Variants in SH3KBP1 observed in about 807,000 individuals in gnomAD.
The protein encoded by SH3KBP1 is SH3 domain containing kinase binding protein 1.
A neutral mutation model predicts 50.1 loss-of-function variants in SH3KBP1; 8 were observed. That is an observed-to-expected ratio of 0.16 (90% CI 0.09 to 0.29). The LOEUF is 0.29. SH3KBP1 is among the 10% of genes least tolerant of loss of function. SH3KBP1 has a pLI of 1.00. For missense variants in SH3KBP1, 377 were observed against 535.2 expected, an observed-to-expected ratio of 0.70 and a Z score of 2.92; for synonymous variants, 227 against 218.6, an observed-to-expected ratio of 1.04 and a Z score of -0.34.
chrX:19,553,998 T>TTAAAATATAATATATAATATATAA (rs2065345378), intron 13 of SH3KBP1, among the ~76,000 whole-genome samples: 1 of 61,298 alleles, frequency 1.6e-5, no homozygotes, highest in Non-Finnish European at 2.6e-5. Flanking sequence ...ATAATATATA[T>TTAAAATATAATATATAATATATAA]TAAAATATAA....
chrX:19,875,052 T>C (rs1483883538), intron 1 of SH3KBP1, among the ~76,000 whole-genome samples: 2 of 111,023 alleles, frequency 1.8e-5, no homozygotes, highest in Non-Finnish European at 3.8e-5. Context: ...AGCGCATCTC[T>C]ACCTCAGGGG....
chrX:19,860,212 T>C (rs1319573384), intron 1 of SH3KBP1, among the ~76,000 whole-genome samples: 1 of 99,259 alleles, frequency 1.0e-5, no homozygotes, highest in Non-Finnish European at 2.0e-5. Context: ...AAGACTGTAA[T>C]GCACTATGAT....
At chrX:19,666,124 TA>T (rs11382341) in intron 6 of SH3KBP1, among the ~76,000 whole-genome samples, 14 of 92,961 alleles carry the variant, frequency 1.5e-4, no homozygotes, top group African/African-American at 2.4e-4. Context: ...AAATAATTTG[TA>T]AAAAAAAAAA....
At chrX:19,605,104 T>C (rs1178396285) in intron 9 of SH3KBP1, among the ~76,000 whole-genome samples, 3 of 110,967 alleles carry the variant, frequency 2.7e-5, no homozygotes, top group African/African-American at 9.9e-5. Flanking sequence ...TAATAGCTTA[T>C]GTAACACAGA....
intron 2 of SH3KBP1, among the ~76,000 whole-genome samples, chrX:19,835,609 C>T (rs1440895134): frequency 3.8e-5 from 4 of 105,730 alleles, no homozygotes; most frequent in Non-Finnish European, 7.8e-5. Context: ...GAGACAGTCT[C>T]GCTCTCTTGC....
At chrX:19,574,327 T>G in intron 12 of SH3KBP1, among the ~76,000 whole-genome samples, 1 of 112,643 alleles carries the variant, frequency 8.9e-6, no homozygotes, top group Non-Finnish European at 1.9e-5. Flanking sequence ...GTACAATGCT[T>G]TATACATTTA....
intron 4 of SH3KBP1, among the ~76,000 whole-genome samples, chrX:19,702,531 T>C (rs1305926639): frequency 1.8e-5 from 2 of 110,255 alleles, no homozygotes; most frequent in African/African-American, 3.3e-5. Context: ...GCAAGAATCT[T>C]TGAACATCCC....
chrX:19,862,260 C>T (rs1040758556), intron 1 of SH3KBP1, among the ~76,000 whole-genome samples: 5 of 112,125 alleles, frequency 4.5e-5, no homozygotes, highest in African/African-American at 1.3e-4. Context: ...ATTGAGATGT[C>T]TGTGGTGTTG....
rs1391927017 is a variant in SH3KBP1 at position 19,618,465 on chromosome X, T to C, written c.898-10420A>G. Among the ~76,000 whole-genome samples the C allele has an allele frequency of 3.7e-5, 4 of 108,792 alleles. No homozygotes were observed. The East Asian group carries it at 1.1e-3, about 31-fold the overall frequency. 94.5% of individuals were successfully genotyped at this position (108,792 alleles called of 115,157 possible). A position where few individuals can be genotyped will look rare whatever the true frequency, so the allele number is the denominator to read the frequency against. ...CAGCACCCAACAGATGCTGCCATGCTGGCCCAACTCCAGGGTGACCATTCA... is the reference window on the plus strand; with the variant it reads ...CAGCACCCAACAGATGCTGCCATGCCGGCCCAACTCCAGGGTGACCATTCA... On this transcript the variant is annotated intron_variant, in intron 8 of 17. Coordinates refer to ENST00000397821, the MANE Select transcript of SH3KBP1 (RefSeq NM_031892.3).
chrX:19,775,667 G>A (rs1378144375), intron 2 of SH3KBP1, among the ~76,000 whole-genome samples: 1 of 111,324 alleles, frequency 9.0e-6, no homozygotes, highest in African/African-American at 3.3e-5. Context: ...GCAGGCCCTG[G>A]ACACCATCAT....
chrX:19,711,543 C>A (rs1417290331), intron 3 of SH3KBP1, among the ~76,000 whole-genome samples: 1 of 111,152 alleles, frequency 9.0e-6, no homozygotes, highest in Non-Finnish European at 1.9e-5. Context: ...TGAAAAAAGT[C>A]TTTGGGTCAA....
At chrX:19,592,828 C>T (rs1304340990) in intron 10 of SH3KBP1, among the ~76,000 whole-genome samples, 3 of 112,496 alleles carry the variant, frequency 2.7e-5, no homozygotes, top group Non-Finnish European at 3.8e-5. Context: ...CCAGCTGAGC[C>T]CAGCCTTCCA....
chrX:19,804,882 A>ACCCCCCCCCCCCCCCCCCCCCCC (rs1171123464), intron 2 of SH3KBP1, among the ~76,000 whole-genome samples: 1 of 17,380 alleles, frequency 5.8e-5, no homozygotes. Flanking sequence ...CCCAAACCCT[A>ACCCCCCCCCCCCCCCCCCCCCCC]CCCCCCCCCC....
At position 19,537,759 on chromosome X, in the gene SH3KBP1, C is replaced by A; in HGVS notation, c.1914G>T (p.Leu638Phe). 1 of 1,211,234 alleles carries A rather than the reference C, an allele frequency of 8.3e-7. No individual in the cohort carries two copies. The highest frequency in any genetic ancestry group is 1.1e-6 in the Non-Finnish European group (1 of 894,963). The stretch of plus-strand genomic sequence containing the variant: ...TTTTCTTCTCTTCATCCAACTCAGA[C>A]AATAACTGTTTAATCTCTCGTCTGA... ...DQQKREIKQL[L>F]SELDEEKKIR... The change falls in exon 17 of 18, where the codon TTG becomes TTT. Residue 638 changes from leucine to phenylalanine, a missense_variant. Coordinates refer to ENST00000397821, the MANE Select transcript of SH3KBP1 (RefSeq NM_031892.3).
chrX:19,731,353 C>T (rs1482565998), intron 3 of SH3KBP1, among the ~76,000 whole-genome samples: 1 of 112,417 alleles, frequency 8.9e-6, no homozygotes, highest in Non-Finnish European at 1.9e-5. Context: ...CTCGCCATCG[C>T]ATGTTACACA....
intron 13 of SH3KBP1, among the ~76,000 whole-genome samples, chrX:19,565,051 A>ATTTTTTTTTTTTTTTTTTTTTTTTTTTT (rs59323105): frequency 1.5e-5 from 1 of 66,530 alleles, no homozygotes; most frequent in African/African-American, 7.5e-5. Flanking sequence ...TTCAACTCCA[A>ATTTTTTTTTTTTTTTTTTTTTTTTTTTT]TTTTTTTTTT....
intron 12 of SH3KBP1, among the ~76,000 whole-genome samples, chrX:19,574,423 A>G (rs1009071700): frequency 1.8e-5 from 2 of 112,670 alleles, no homozygotes; most frequent in African/African-American, 3.2e-5. Context: ...TAACCTGTGG[A>G]TAAGTTATAT....
chrX:19,670,090 T>C (rs1236796326), intron 6 of SH3KBP1, among the ~76,000 whole-genome samples: 3 of 111,074 alleles, frequency 2.7e-5, no homozygotes, highest in African/African-American at 9.8e-5. Context: ...GTTTGGAAAA[T>C]GACAGACTTC....
chrX:19,726,994 A>G (rs1242650378), intron 3 of SH3KBP1, among the ~76,000 whole-genome samples: 3 of 112,510 alleles, frequency 2.7e-5, no homozygotes, highest in Non-Finnish European at 5.6e-5. Flanking sequence ...TACCCAAGTC[A>G]TCCATCACGC....
Sources: allele counts gnomAD v4.1 joint callset (sites outside exome capture counted in the v4.1 genomes callset), GRCh38; gene constraint gnomAD v4.1.1; transcripts MANE v1.5; gene names NCBI Gene and HGNC (gene_info 2026-07-23, HGNC 2026-07-21).